FAT3: variants seen among roughly 807,000 people sequenced by gnomAD.
The protein encoded by FAT3 is FAT atypical cadherin 3.
In FAT3, 95 loss-of-function variants were observed where a neutral mutation model predicts 310.2. The ratio of observed to expected loss-of-function variants is 0.31; its 90% CI spans 0.26 to 0.36. The LOEUF is 0.36. Ranked by LOEUF, FAT3 falls within the 10% of genes least tolerant of loss-of-function variation. The pLI is 1.00. For missense variants in FAT3, 5,408 were observed against 5,715.6 expected (o/e 0.95, Z 1.74); for synonymous variants, 2,314 against 2,192.9 (o/e 1.06, Z -1.54).
At chr11:92,297,826 G>A (rs1296828498) in intron 1 of FAT3, among the ~76,000 whole-genome samples, 1 of 152,152 alleles carries the variant, frequency 6.6e-6, no homozygotes, top group Non-Finnish European at 1.5e-5. Flanking sequence ...GAATGGATAA[G>A]TTTGCCTGTA....
At chr11:92,412,008 C>T (rs10741441) in intron 2 of FAT3, among the ~76,000 whole-genome samples, 135,697 of 152,042 alleles carry the variant, frequency 0.89, 60,614 homozygotes, top group Admixed American at 0.91. Flanking sequence ...TTCAGATTTC[C>T]CCAAAGATAT....
intron 26 of FAT3, among the ~76,000 whole-genome samples, chr11:92,889,620 G>A (rs933746458): frequency 6.6e-6 from 1 of 152,070 alleles, no homozygotes; most frequent in Non-Finnish European, 1.5e-5. Flanking sequence ...TTTCAACCAC[G>A]TAACTTTTAT....
Position 92,837,671 on chromosome 11 carries a change from A to C in FAT3, c.10233A>C (p.Gly3411=). Residue 3411 remains glycine, a synonymous_variant, in exon 17 of 28, where the codon GGA becomes GGC. Transcript: ENST00000525166. ...KKKLDRERVS[G]YSLLVQAVDS... is the part of the protein sequence containing the mutation. ...TCTTTGTACCTTGGCAGGTGTCTGG[A>C]TACTCTCTGCTTGTCCAGGCCGTAG... 6.2e-7 allele frequency: 1 copy of C among 1,613,794 alleles called. No individual in the cohort carries two copies. The highest frequency in any genetic ancestry group is 1.1e-5 in the South Asian group (1 of 91,074).
chr11:92,849,130 G>C (rs911468787), intron 19 of FAT3, among the ~76,000 whole-genome samples: 1 of 152,160 alleles, frequency 6.6e-6, no homozygotes, highest in Admixed American at 6.5e-5. Flanking sequence ...CCAAAACTTG[G>C]AAAGGTCAAT....
At chr11:92,280,724 C>T (rs1430741397) in intron 1 of FAT3, among the ~76,000 whole-genome samples, 1 of 152,170 alleles carries the variant, frequency 6.6e-6, no homozygotes, top group Non-Finnish European at 1.5e-5. Flanking sequence ...GCCCATTTCT[C>T]CAGCTTCGTC....
chr11:92,820,153 G>C (rs1018330568), intron 13 of FAT3, among the ~76,000 whole-genome samples: 1 of 152,180 alleles, frequency 6.6e-6, no homozygotes, highest in African/African-American at 2.4e-5. Context: ...CCTGAGACTG[G>C]ATGACTTAAA....
intron 7 of FAT3, among the ~76,000 whole-genome samples, chr11:92,774,450 T>G (rs956754013): frequency 1.9e-4 from 29 of 152,232 alleles, no homozygotes; most frequent in African/African-American, 7.0e-4. Flanking sequence ...ATTTATCTGT[T>G]TGACAATAAA....
chr11:92,840,884 C>T, intron 18 of FAT3, 125 bp downstream of exon 18: 1 of 908,340 alleles, frequency 1.1e-6, no homozygotes, highest in South Asian at 2.8e-5. Context: ...GGGAATGTTC[C>T]CCCTTTTAAT....
intron 4 of FAT3, among the ~76,000 whole-genome samples, chr11:92,713,946 T>C (rs1944599111): frequency 6.6e-6 from 1 of 152,326 alleles, no homozygotes; most frequent in South Asian, 2.1e-4. Flanking sequence ...CATTCATAAA[T>C]GGTAACTGTA....
rs150765506 is a variant in FAT3, at chr11:92,312,626, G to C, written c.-17-39470G>C. Among the ~76,000 whole-genome samples the C allele has an allele frequency of 8.0e-3, 1,226 of 152,314 alleles. 1 individual carries two copies. The highest frequency in any genetic ancestry group is 0.014 in the Middle Eastern group (4 of 294). On this transcript the variant is annotated intron_variant, in intron 1 of 27. Coordinates refer to ENST00000525166, the MANE Select transcript of FAT3 (RefSeq NM_001367949.2). ...CAAACCTCAAAGTGATATATGGAGA[G>C]AACCCAGCAAATTGAAAACATTCTC...
At chr11:92,261,237 A>G (rs2134306551) in intron 1 of FAT3, among the ~76,000 whole-genome samples, 1 of 152,220 alleles carries the variant, frequency 6.6e-6, no homozygotes, top group East Asian at 1.9e-4. Flanking sequence ...CAAACAAGAA[A>G]GCCATCTACT....
intron 20 of FAT3, among the ~76,000 whole-genome samples, chr11:92,858,136 A>G (rs1005072274): frequency 2.6e-5 from 4 of 152,246 alleles, no homozygotes; most frequent in African/African-American, 9.6e-5. Flanking sequence ...GGAACTTTGC[A>G]AGCATTGAGT....
intron 10 of FAT3, 34 bp downstream of exon 10, chr11:92,801,943 C>T (rs746202698): frequency 8.3e-6 from 13 of 1,569,980 alleles, no homozygotes; most frequent in Non-Finnish European, 1.1e-5. Context: ...ATTATGTGCA[C>T]TGCTTTATAA....
chr11:92,702,322 A>G (rs1007764289), intron 4 of FAT3, among the ~76,000 whole-genome samples: 2 of 152,174 alleles, frequency 1.3e-5, no homozygotes, highest in African/African-American at 2.4e-5. Flanking sequence ...AAGAGACGTT[A>G]TTTCACTCCT....
intron 2 of FAT3, among the ~76,000 whole-genome samples, chr11:92,416,594 G>T (rs1950420359): frequency 6.6e-6 from 1 of 152,164 alleles, no homozygotes; most frequent in Middle Eastern, 3.2e-3. Flanking sequence ...AGAGCCACTT[G>T]GTTCAGATTA....
chr11:92,577,901 G>C (rs935158500), intron 3 of FAT3, among the ~76,000 whole-genome samples: 1 of 151,938 alleles, frequency 6.6e-6, no homozygotes, highest in Admixed American at 6.6e-5. Flanking sequence ...GGGAGAGAGA[G>C]ATTGAGATAG....
intron 1 of FAT3, among the ~76,000 whole-genome samples, chr11:92,303,330 A>G (rs1004747292): frequency 1.3e-5 from 2 of 152,016 alleles, no homozygotes; most frequent in African/African-American, 4.8e-5. Flanking sequence ...TTTCCCCTCT[A>G]TTGCACATGA....
intron 1 of FAT3, among the ~76,000 whole-genome samples, chr11:92,266,338 A>G (rs757055214): frequency 3.9e-5 from 6 of 152,108 alleles, no homozygotes; most frequent in Non-Finnish European, 8.8e-5. Flanking sequence ...TATGGGCAGG[A>G]GCTGAGGAAG....
At chr11:92,738,530 C>A (rs1380519409) in intron 4 of FAT3, among the ~76,000 whole-genome samples, 1 of 152,156 alleles carries the variant, frequency 6.6e-6, no homozygotes, top group Non-Finnish European at 1.5e-5. Flanking sequence ...CATCTCTCTC[C>A]CACAGTGCTT....
Sources: gnomAD v4.1 joint callset for allele counts (sites outside exome capture counted in the v4.1 genomes callset) on GRCh38, gnomAD v4.1.1 for gene constraint, MANE v1.5 for transcripts, NCBI Gene and HGNC (gene_info 2026-07-23, HGNC 2026-07-21) for gene names.